The following THUMPD2 variants were observed in gnomAD, a reference collection of about 807,000 sequenced individuals.
The protein encoded by THUMPD2 is THUMP domain 2 tRNA and snRNA guanosine methyltransferase, also known as U6 snRNA (guanine-N(2))-methyltransferase THUMPD2.
In THUMPD2, 56 loss-of-function variants were observed where a neutral mutation model predicts 49.4. The observed-to-expected ratio is 1.13, with a 90% CI of 0.91 to 1.41. The LOEUF is 1.41. THUMPD2 is among the 40% of genes most tolerant of loss of function. THUMPD2 has a pLI of 0.00. For missense variants in THUMPD2, 709 were observed against 594.5 expected, an observed-to-expected ratio of 1.19 and a Z score of -2.00; for synonymous variants, 237 against 205.2, an observed-to-expected ratio of 1.15 and a Z score of -1.32.
In THUMPD2 at chr2:39,736,460, G is replaced by A. The variant is rs1280279831; in HGVS notation, c.*275C>T. 3.5e-6 allele frequency: 1 copy of A among 289,790 alleles called. No homozygotes were observed. Among genetic ancestry groups the A allele is most frequent in the East Asian group, 6.1e-5 (1 of 16,404 alleles). 18.0% of individuals were successfully genotyped at this position (289,790 alleles called of 1,614,324 possible). A position where few individuals can be genotyped will look rare whatever the true frequency, so the allele number is the denominator to read the frequency against. On this transcript the variant is annotated 3_prime_UTR_variant, in exon 10 of 10. Coordinates refer to ENST00000505747, the MANE Select transcript of THUMPD2 (RefSeq NM_025264.5). ...CCTTTATTTTGAAATTGAAGTTTTT[G>A]CTCAGAAACTGGGCAGAACTTTTCA...
intron 9 of THUMPD2, among the ~76,000 whole-genome samples, chr2:39,738,779 C>T (rs1572725763): frequency 6.6e-6 from 1 of 151,782 alleles, no homozygotes; most frequent in East Asian, 1.9e-4. Context: ...CCAGGGACAG[C>T]AATCCTAGCT....
At chr2:39,747,612 C>T (rs1427105520) in intron 8 of THUMPD2, among the ~76,000 whole-genome samples, 1 of 151,902 alleles carries the variant, frequency 6.6e-6, no homozygotes, top group Non-Finnish European at 1.5e-5. Flanking sequence ...ATTATGGTGG[C>T]CCTGAAAACG....
At chr2:39,761,604 C>T (rs1239364568) in intron 5 of THUMPD2, among the ~76,000 whole-genome samples, 186 bp from the exon 6 acceptor site, 1 of 152,144 alleles carries the variant, frequency 6.6e-6, no homozygotes, top group Non-Finnish European at 1.5e-5. Flanking sequence ...ACCTTGTCTA[C>T]CCAGCCAGTG....
At chr2:39,772,482 T>C (rs1039443299) in intron 1 of THUMPD2, among the ~76,000 whole-genome samples, 6 of 152,084 alleles carry the variant, frequency 3.9e-5, no homozygotes, top group African/African-American at 1.4e-4. Flanking sequence ...AATGATGAGA[T>C]ACTTGGCTGC....
intron 9 of THUMPD2, 52 bp downstream of exon 9, chr2:39,744,318 G>T: frequency 1.8e-6 from 2 of 1,089,884 alleles, no homozygotes; most frequent in South Asian, 1.6e-5. Flanking sequence ...GATGTATTTC[G>T]GTTAAATGCC....
chr2:39,754,323 TAA>T (rs1487768683), intron 8 of THUMPD2, among the ~76,000 whole-genome samples: 1 of 152,168 alleles, frequency 6.6e-6, no homozygotes, highest in Admixed American at 6.5e-5. Flanking sequence ...GGCTTAAAAA[TAA>T]AAGTCACTGG....
intron 1 of THUMPD2, among the ~76,000 whole-genome samples, chr2:39,773,560 T>A (rs962317656): frequency 5.1e-5 from 2 of 39,138 alleles, no homozygotes; most frequent in South Asian, 7.2e-4. Context: ...TATTTAAAAA[T>A]ATATATATAT....
intron 9 of THUMPD2, among the ~76,000 whole-genome samples, chr2:39,740,146 T>C (rs1176442519): frequency 6.6e-6 from 1 of 152,176 alleles, no homozygotes; most frequent in Non-Finnish European, 1.5e-5. Context: ...GAAGAAACTG[T>C]GATACTGTGA....
chr2:39,749,551 T>C (rs955875393), intron 8 of THUMPD2, among the ~76,000 whole-genome samples: 3 of 152,226 alleles, frequency 2.0e-5, no homozygotes, highest in African/African-American at 7.2e-5. Flanking sequence ...TTGCATGTGA[T>C]AAATTGTTGG....
At chr2:39,740,550 T>C (rs1336108213) in intron 9 of THUMPD2, among the ~76,000 whole-genome samples, 2 of 152,220 alleles carry the variant, frequency 1.3e-5, no homozygotes, top group Admixed American at 6.5e-5. Context: ...TACTCTGAGA[T>C]GAACATTTTC....
chr2:39,779,255 C>T lies in THUMPD2; in HGVS notation c.-16G>A, dbSNP rs1390644770. ...CCTCCGACATGGCGGCTCAGGCGCG[C>T]CCTCGCGCCTTCGGGTCACGTGGCC... On this transcript the variant is annotated 5_prime_UTR_variant, in exon 1 of 10. Coordinates refer to ENST00000505747, the MANE Select transcript of THUMPD2 (RefSeq NM_025264.5). 6.8e-7 allele frequency: 1 copy of T among 1,470,590 alleles called. No homozygotes were observed. Among genetic ancestry groups the T allele is most frequent in the Non-Finnish European group, 8.9e-7 (1 of 1,118,970 alleles). 91.1% of individuals were successfully genotyped at this position (1,470,590 alleles called of 1,614,324 possible).
Position 39,769,701 on chromosome 2 carries a change from C to T in THUMPD2, c.672+9G>A. 6.7e-7 allele frequency: 1 copy of T among 1,499,080 alleles called. No homozygotes were observed. Among genetic ancestry groups the T allele is most frequent in the East Asian group, 2.5e-5 (1 of 40,340 alleles). The allele number at this position is 1,499,080 out of a possible 1,614,324, so 92.9% of individuals were successfully genotyped here. On this transcript the variant is annotated intron_variant, in intron 3 of 9. Coordinates refer to ENST00000505747, the MANE Select transcript of THUMPD2 (RefSeq NM_025264.5). ...GGGCGACAGACTCCACTTTAGGATG[C>T]AAGCATACCTGTGCAGTGAAGGCCT...
intron 8 of THUMPD2, among the ~76,000 whole-genome samples, chr2:39,749,627 G>A (rs562070871): frequency 1.3e-5 from 2 of 152,254 alleles, no homozygotes; most frequent in East Asian, 3.9e-4. Flanking sequence ...TTAAGTTCCA[G>A]GGTATATGTG....
intron 6 of THUMPD2, 39 bp from the exon 7 acceptor site, chr2:39,755,999 C>G (rs745559869): frequency 5.8e-6 from 9 of 1,559,808 alleles, no homozygotes; most frequent in South Asian, 3.3e-5. Flanking sequence ...ATTAAGACTA[C>G]CATAGTACGT....
At chr2:39,771,793 G>A (rs1326633883) in intron 1 of THUMPD2, among the ~76,000 whole-genome samples, 153 bp from the exon 2 acceptor site, 2 of 152,154 alleles carry the variant, frequency 1.3e-5, no homozygotes, top group African/African-American at 4.8e-5. Context: ...CACTGAATAA[G>A]TATTTTCCTC....
intron 3 of THUMPD2, chr2:39,769,038 T>C: frequency 7.7e-7 from 1 of 1,304,704 alleles, no homozygotes; most frequent in Non-Finnish European, 1.0e-6. Context: ...TCTACATTGC[T>C]GAGACCTCAT....
At chr2:39,775,247 C>G (rs1678917667) in intron 1 of THUMPD2, among the ~76,000 whole-genome samples, 1 of 152,126 alleles carries the variant, frequency 6.6e-6, no homozygotes, top group Non-Finnish European at 1.5e-5. Context: ...CCACTGTTCC[C>G]TAGCCTGAGT....
At chr2:39,750,155 G>A (rs1017065991) in intron 8 of THUMPD2, among the ~76,000 whole-genome samples, 1 of 152,112 alleles carries the variant, frequency 6.6e-6, no homozygotes, top group African/African-American at 2.4e-5. Flanking sequence ...TCTGCCTCCG[G>A]ATCTTTGAGG....
At chr2:39,755,071 G>C (rs930834047) in intron 8 of THUMPD2, among the ~76,000 whole-genome samples, 1 of 151,698 alleles carries the variant, frequency 6.6e-6, no homozygotes, top group Non-Finnish European at 1.5e-5. Context: ...ATTTTAAGAA[G>C]TCATGCTTTA....
Sources: allele counts gnomAD v4.1 joint callset (sites outside exome capture counted in the v4.1 genomes callset), GRCh38; gene constraint gnomAD v4.1.1; transcripts MANE v1.5; gene names NCBI Gene and HGNC (gene_info 2026-07-23, HGNC 2026-07-21).